Variants in HECTD4 observed in about 807,000 individuals in gnomAD.
HECTD4 encodes the protein HECT domain E3 ubiquitin protein ligase 4, also known as probable E3 ubiquitin-protein ligase HECTD4.
HECTD4 carries 114 observed loss-of-function variants against 471.5 expected under a neutral mutation model. The observed-to-expected ratio is 0.24, with a 90% CI of 0.21 to 0.28. HECTD4 has a LOEUF of 0.28. HECTD4 is among the 10% of genes least tolerant of loss of function. The pLI is 1.00. For missense variants in HECTD4, 3,866 were observed against 5,651.5 expected (o/e 0.68, Z 10.13); for synonymous variants, 2,012 against 2,256.0 (o/e 0.89, Z 3.07).
intron 72 of HECTD4, 164 bp downstream of exon 72, chr12:112,167,153 T>A: frequency 1.7e-6 from 1 of 578,926 alleles, no homozygotes; most frequent in East Asian, 3.1e-5. Flanking sequence ...GAGGCCTCTG[T>A]CCCCATGAAA....
At chr12:112,209,990 C>T (rs1566073341) in intron 50 of HECTD4, 25 bp downstream of exon 50, 1 of 1,556,192 alleles carries the variant, frequency 6.4e-7, no homozygotes, top group Non-Finnish European at 8.8e-7. Context: ...GCCATGGAGG[C>T]AGTAAGTTCC....
At chr12:112,366,985 T>C (rs1348057072) in intron 1 of HECTD4, among the ~76,000 whole-genome samples, 2 of 151,476 alleles carry the variant, frequency 1.3e-5, no homozygotes, top group Non-Finnish European at 2.9e-5. Flanking sequence ...CTTGGGTTTG[T>C]TGACTGCCTT....
rs1444611159 is a variant in HECTD4, at chr12:112,179,157, T to G, written c.11211+17A>C. 1.9e-6 allele frequency: 3 copies of G among 1,613,364 alleles called. No homozygotes were observed. The highest frequency in any genetic ancestry group is 2.5e-6 in the Non-Finnish European group (3 of 1,179,658). ...CACCCAAGGCCCGGCCTGGGTATGG[T>G]GGGGACGGGCAGCTACCTGGGTGAG... On this transcript the variant is annotated intron_variant, in intron 63 of 75. Transcript: ENST00000682272. This position sits in a 1 kb window ranked among gnomAD's most constrained non-coding sequence, Gnocchi z 4.3.
chr12:112,176,790 G>T, intron 64 of HECTD4, 88 bp from the exon 65 acceptor site: 4 of 1,040,534 alleles, frequency 3.8e-6, no homozygotes, highest in Non-Finnish European at 6.0e-6. Context: ...ATTCATTCCT[G>T]CTCCCTCCTC....
chr12:112,334,141 G>C (rs1347293368), intron 1 of HECTD4, among the ~76,000 whole-genome samples: 2 of 151,646 alleles, frequency 1.3e-5, no homozygotes, highest in Admixed American at 1.3e-4. Context: ...TCCTGGAGGT[G>C]GAGGTTGCAG....
intron 9 of HECTD4, among the ~76,000 whole-genome samples, chr12:112,277,589 A>G (rs1174070362): frequency 6.6e-6 from 1 of 152,180 alleles, no homozygotes; most frequent in Admixed American, 6.5e-5. Flanking sequence ...TAATAAATGC[A>G]CATTTGCAAG....
At position 112,287,402 on chromosome 12, in the gene HECTD4, TG is replaced by T. The variant is rs1262899843; in HGVS notation, c.1336-4101del. ...GTAGCTTAGTCATCTGGATCATAACTGGAAGGAAACAACAAACCCTTAGGGA... is the reference window on the plus strand; with the variant it reads ...GTAGCTTAGTCATCTGGATCATAACTGAAGGAAACAACAAACCCTTAGGGA... On this transcript the variant is annotated intron_variant, in intron 7 of 75. Transcript: ENST00000682272. Among the ~76,000 whole-genome samples the T allele has an allele frequency of 2.0e-5, 3 of 152,140 alleles. No homozygotes were observed. The East Asian group carries it at 5.8e-4, about 29-fold the overall frequency.
intron 62 of HECTD4, among the ~76,000 whole-genome samples, chr12:112,182,349 G>GA (rs2031706577): frequency 9.9e-6 from 1 of 101,274 alleles, no homozygotes; most frequent in South Asian, 3.0e-4. Flanking sequence ...ATTTTAAAAA[G>GA]AAAAAATGAA....
Position 112,169,611 on chromosome 12 carries a change from G to A in HECTD4, c.12100C>T (p.Gln4034Ter). The change falls in exon 70 of 76, where the codon CAG (glutamine) becomes TAG (stop). Residue 4034 changes from glutamine to a stop codon, truncating the protein, a stop_gained. Coordinates refer to ENST00000682272, the MANE Select transcript of HECTD4 (RefSeq NM_001388303.1). LOFTEE classifies it high-confidence loss of function. ...TGAGACGACGGCACTGAGGCCAGCT[G>A]CCTGGCAGCCTGACAGAAGTAGGAG... ...ENSYFCQAARQLASVPSSQLC... is the reference protein window; with the variant it reads ...ENSYFCQAAR 1 of 1,613,546 alleles carries A rather than the reference G, an allele frequency of 6.2e-7. No homozygotes were observed. The highest frequency in any genetic ancestry group is 8.5e-7 in the Non-Finnish European group (1 of 1,179,886).
intron 2 of HECTD4, among the ~76,000 whole-genome samples, chr12:112,315,847 G>C (rs1268014328): frequency 7.3e-6 from 1 of 137,102 alleles, no homozygotes; most frequent in Non-Finnish European, 1.5e-5. Flanking sequence ...AGTGAGCTAT[G>C]ATCACACCAC....
rs115831901 is a variant in HECTD4 at position 112,372,061 on chromosome 12, G to A, written c.177+9891C>T. Among the ~76,000 whole-genome samples, 1,090 of 151,292 alleles carry A rather than the reference G, an allele frequency of 7.2e-3. 13 individuals are homozygous for A. The highest frequency in any genetic ancestry group is 0.024 in the African/African-American group (1,000 of 41,244). ...CATAAAATAACCTCCAAGCAACATAGCACCTTATAAAGAGAGTCAATACAC... is the reference window on the plus strand; with the variant it reads ...CATAAAATAACCTCCAAGCAACATAACACCTTATAAAGAGAGTCAATACAC... On this transcript the variant is annotated intron_variant, in intron 1 of 75. Transcript: ENST00000682272.
intron 49 of HECTD4, among the ~76,000 whole-genome samples, chr12:112,210,623 A>G (rs1322079549): frequency 1.3e-5 from 2 of 152,198 alleles, no homozygotes; most frequent in Admixed American, 6.5e-5. Context: ...AGACCAGCTA[A>G]TATTCCAGAC....
At position 112,306,216 on chromosome 12, in the gene HECTD4, T is replaced by C. The variant is rs558941143; in HGVS notation, c.1183A>G (p.Met395Val). ...CCAATGGGGAGGTGATTGGCTGGCA[T>C]TGGCACCACCTGGCACACCTGGGCA... is the stretch of plus-strand genomic sequence containing the variant. ...NTLQVCQVVP[M>V]PANHLPIGST... The change falls in exon 7 of 76, where the codon ATG becomes GTG. Residue 395 changes from methionine to valine, a missense_variant. By Grantham distance (21) the Met-to-Val change is conservative. Coordinates refer to ENST00000682272, the MANE Select transcript of HECTD4 (RefSeq NM_001388303.1). 1.2e-5 allele frequency: 19 copies of C among 1,578,118 alleles called. No individual in the cohort carries two copies. Among genetic ancestry groups the C allele is most frequent in the African/African-American group, 1.1e-4 (8 of 73,778 alleles).
At chr12:112,169,443 G>A (rs1187339937) in intron 70 of HECTD4, 60 bp downstream of exon 70, 5 of 1,510,580 alleles carry the variant, frequency 3.3e-6, no homozygotes, top group Non-Finnish European at 4.4e-6. Flanking sequence ...GGCAGCTGGG[G>A]CTAAGGCTGG....
At position 112,200,818 on chromosome 12, in the gene HECTD4, T is replaced by C. The variant is rs774984121; in HGVS notation, c.8407-20A>G. 3.1e-6 allele frequency: 5 copies of C among 1,605,400 alleles called. No homozygotes were observed. In the South Asian group the frequency reaches 4.4e-5, roughly 14 times the overall value. ...ATTCACCTACAATAGGAAAAGAAAATGTCTGTTTGTGCTGTTTGCTTTTGT... is the reference window on the plus strand; with the variant it reads ...ATTCACCTACAATAGGAAAAGAAAACGTCTGTTTGTGCTGTTTGCTTTTGT... On this transcript the variant is annotated intron_variant, in intron 54 of 75. Transcript: ENST00000682272.
At chr12:112,200,877 G>A (rs1187694632) in intron 54 of HECTD4, 79 bp from the exon 55 acceptor site, 53 of 1,215,390 alleles carry the variant, frequency 4.4e-5, no homozygotes, top group South Asian at 7.0e-5. Context: ...GTGTGTGTGC[G>A]TGCGTGCGTG....
intron 4 of HECTD4, among the ~76,000 whole-genome samples, chr12:112,311,351 C>A (rs1162981397): frequency 2.0e-5 from 3 of 151,386 alleles, no homozygotes; most frequent in African/African-American, 7.3e-5. Context: ...AATCCTGGCA[C>A]TTTGGGAGGC....
intron 48 of HECTD4, among the ~76,000 whole-genome samples, chr12:112,215,727 C>A (rs1218626024): frequency 6.6e-6 from 1 of 152,152 alleles, no homozygotes; most frequent in Non-Finnish European, 1.5e-5. Flanking sequence ...GCAGCCTCAA[C>A]CTTCTGGGTT....
intron 8 of HECTD4, among the ~76,000 whole-genome samples, chr12:112,281,688 A>T (rs2034644071): frequency 1.3e-5 from 2 of 152,328 alleles, no homozygotes; most frequent in East Asian, 1.9e-4. Context: ...ACTGTCCTTA[A>T]ATTCTAATAT....
Sources: allele counts gnomAD v4.1 joint callset (sites outside exome capture counted in the v4.1 genomes callset), GRCh38; gene constraint gnomAD v4.1.1; non-coding constraint Gnocchi (gnomAD v3.1); transcripts MANE v1.5; gene names NCBI Gene and HGNC (gene_info 2026-07-23, HGNC 2026-07-21).